The following CCNH variants were observed in gnomAD, a reference collection of about 807,000 sequenced individuals.
CCNH encodes cyclin H.
A neutral mutation model predicts 41.9 loss-of-function variants in CCNH; 31 were observed. That is an observed-to-expected ratio of 0.74 (90% CI 0.56 to 1.00). The LOEUF (loss-of-function observed/expected upper bound fraction) is 1.00, where lower values mean the gene tolerates loss of function less well. Ranked by LOEUF, CCNH falls within the 50% of genes least tolerant of loss-of-function variation. The pLI, the probability that CCNH is intolerant of heterozygous loss-of-function variation, is 0.00. For missense variants in CCNH, 362 were observed against 388.4 expected, an observed-to-expected ratio of 0.93 and a Z score of 0.57; for synonymous variants, 138 against 136.1, an observed-to-expected ratio of 1.01 and a Z score of -0.10.
chr5:87,354,012 T>C (rs1353340874), intron 9 of CCNH, among the ~76,000 whole-genome samples: 1 of 152,114 alleles, frequency 6.6e-6, no homozygotes, highest in Non-Finnish European at 1.5e-5. Context: ...TAAAGGATTA[T>C]TAAGGGTTTT....
In CCNH at chr5:87,400,978, A is replaced by G. The variant is rs564484637; in HGVS notation, c.760+724T>C. On this transcript the variant is annotated intron_variant, in intron 6 of 8. Transcript: ENST00000256897. ...CAGCACTAATGACTTTTTGGGCTGG[A>G]TAAGTCTTGATTACGCAGGGCTGTA... 9.2e-5 allele frequency among the ~76,000 whole-genome samples: 14 copies of G among 152,342 alleles called. No individual in the cohort carries two copies. In the South Asian group the frequency reaches 2.7e-3, roughly 29 times the overall value.
chr5:87,401,537 T>C (rs140777290), intron 6 of CCNH, among the ~76,000 whole-genome samples, 165 bp downstream of exon 6: 1 of 152,214 alleles, frequency 6.6e-6, no homozygotes, highest in Non-Finnish European at 1.5e-5. Context: ...ATACCTTCTA[T>C]TTGTTCTAGA....
At chr5:87,333,133 C>A in intron 9 of CCNH, 1 of 1,347,058 alleles carries the variant, frequency 7.4e-7, no homozygotes, top group Non-Finnish European at 9.9e-7. Context: ...ATTTATAGTC[C>A]AAGTAAAAAT....
downstream of CCNH, among the ~76,000 whole-genome samples, chr5:87,373,556 G>T (rs1442729177): frequency 6.6e-6 from 1 of 152,072 alleles, no homozygotes; most frequent in Non-Finnish European, 1.5e-5. Context: ...GGCTTAGAGG[G>T]ACGGATTTGT....
rs1369850555 is a variant in CCNH, at chr5:87,399,441, C to G, written c.825G>C (p.Gln275His). The stretch of plus-strand genomic sequence containing the variant: ...CAGCAGAATGACATCGCTCCAACTT[C>G]TGTTTCAGAACAGCAACTTCTTCAG... ...PRSEEVAVLK[Q>H]KLERCHSAEL... Residue 275 changes from glutamine (Q) to histidine (H), a missense_variant, in exon 7 of 9, where the codon CAG (glutamine) becomes CAC (histidine). Gln to His is a conservative substitution (Grantham distance 24). Coordinates refer to ENST00000256897, the MANE Select transcript of CCNH (RefSeq NM_001239.4). 1.2e-6 allele frequency: 2 copies of G among 1,614,026 alleles called. No homozygotes were observed.
chr5:87,402,138 T>C (rs867909736), intron 5 of CCNH, among the ~76,000 whole-genome samples: 1 of 152,174 alleles, frequency 6.6e-6, no homozygotes, highest in Non-Finnish European at 1.5e-5. Context: ...ATCTTGTAAC[T>C]TGCCCAAAGT....
Position 87,395,073 on chromosome 5 carries a change from AATC to A in CCNH, c.901_903del (p.Asp301del), listed in dbSNP as rs761530493. On this transcript the variant is annotated inframe_deletion, in exon 8 of 9. Coordinates refer to ENST00000256897, the MANE Select transcript of CCNH (RefSeq NM_001239.4). ...TCATGTTTGGATTTCTTTGAGACGT[AATC>A]ATCATCTTCATAGCCTTTCCTCTTC... 3 of 1,611,658 alleles carry A rather than the reference AATC, an allele frequency of 1.9e-6. No homozygotes were observed. Among genetic ancestry groups the A allele is most frequent in the East Asian group, 4.5e-5 (2 of 44,762 alleles).
At chr5:87,345,892 C>T (rs965059926) in intron 9 of CCNH, among the ~76,000 whole-genome samples, 7 of 152,208 alleles carry the variant, frequency 4.6e-5, no homozygotes, top group African/African-American at 1.4e-4. Flanking sequence ...ATGTGTTAAT[C>T]AGCAAGATAG....
chr5:87,390,646 TGACTGAATAATA>T (rs958565334), downstream of CCNH, among the ~76,000 whole-genome samples: 56 of 152,256 alleles, frequency 3.7e-4, no homozygotes, highest in African/African-American at 1.3e-3. Context: ...ACTCAGCCAA[TGACTGAATAATA>T]GAGACTTATG....
At chr5:87,374,939 T>TA, downstream of CCNH, 1 of 1,595,046 alleles carries the variant, frequency 6.3e-7, no homozygotes, top group Non-Finnish European at 8.5e-7. Flanking sequence ...AGAAACTTTC[T>TA]AAAATAGAAA....
intron 5 of CCNH, 151 bp from the exon 6 acceptor site, chr5:87,401,923 GATTT>G: frequency 3.9e-6 from 2 of 507,450 alleles, no homozygotes; most frequent in Non-Finnish European, 6.9e-6. Flanking sequence ...ATATTTTAAG[GATTT>G]ATTACCACTT....
intron 1 of CCNH, 141 bp from the exon 2 acceptor site, chr5:87,411,487 G>T: frequency 1.5e-6 from 1 of 670,860 alleles, no homozygotes. Flanking sequence ...TTATAGATTC[G>T]CTAATCATTA....
downstream of CCNH, chr5:87,372,040 A>AG (rs1418178590): frequency 1.6e-6 from 2 of 1,247,242 alleles, no homozygotes; most frequent in Non-Finnish European, 2.1e-6. Context: ...GTTGAATTTG[A>AG]AAAAAAAAAC....
chr5:87,393,521 A>G (rs1762673969), downstream of CCNH: 1 of 152,242 alleles, frequency 6.6e-6, no homozygotes, highest in African/African-American at 2.4e-5. Flanking sequence ...CATGATTCAT[A>G]TGTAAGTAAT....
At chr5:87,377,761 A>C (rs1175411693), upstream of CCNH, among the ~76,000 whole-genome samples, 2 of 152,264 alleles carry the variant, frequency 1.3e-5, no homozygotes, top group African/African-American at 4.8e-5. Flanking sequence ...CCCCTGGCCC[A>C]CACACACCAC....
Position 87,376,524 on chromosome 5 carries a change from G to GA in CCNH, n.656dup, listed in dbSNP as rs1561322357. On this transcript the variant is annotated non_coding_transcript_exon_variant, in exon 1 of 1. Coordinates refer to the CCNH transcript ENST00000607486. ...GCGTGTTCGAGCACGATACTCTATG[G>GA]AAAAAATCATGCCAGAAGAAGAGTA... The GA allele has an allele frequency of 6.2e-7, 1 of 1,613,946 alleles. No individual in the cohort carries two copies. Among genetic ancestry groups the GA allele is most frequent in the Non-Finnish European group, 8.5e-7 (1 of 1,179,944 alleles).
downstream of CCNH, among the ~76,000 whole-genome samples, chr5:87,389,705 A>G (rs1220284570): frequency 6.6e-6 from 1 of 152,258 alleles, no homozygotes; most frequent in Non-Finnish European, 1.5e-5. Flanking sequence ...AAAATGATGT[A>G]CATTTAATAC....
At chr5:87,361,175 CCA>C (rs1214817925) in intron 9 of CCNH, among the ~76,000 whole-genome samples, 1 of 152,122 alleles carries the variant, frequency 6.6e-6, no homozygotes, top group African/African-American at 2.4e-5. Flanking sequence ...CTGGAAGCAA[CCA>C]CAGACAGCAT....
intron 9 of CCNH, among the ~76,000 whole-genome samples, chr5:87,350,186 T>C (rs1371147780): frequency 2.0e-5 from 3 of 151,848 alleles, no homozygotes; most frequent in African/African-American, 7.2e-5. Context: ...AAACAAGTTC[T>C]TCTAGTTGCT....
Sources: gnomAD v4.1 joint callset for allele counts (sites outside exome capture counted in the v4.1 genomes callset) on GRCh38, gnomAD v4.1.1 for gene constraint, MANE v1.5 for transcripts, NCBI Gene and HGNC (gene_info 2026-07-23, HGNC 2026-07-21) for gene names.